The following ZMYND11 variants were observed in gnomAD, a reference collection of about 807,000 sequenced individuals.
The protein encoded by ZMYND11 is zinc finger MYND domain-containing protein 11.
ZMYND11 carries 9 observed loss-of-function variants against 84.9 expected under a neutral mutation model. The ratio of observed to expected loss-of-function variants is 0.11; its 90% CI spans 0.06 to 0.18. The LOEUF (loss-of-function observed/expected upper bound fraction) is 0.18, where lower values mean the gene tolerates loss of function less well. Ranked by LOEUF, ZMYND11 falls within the 10% of genes least tolerant of loss-of-function variation. The pLI, the probability that ZMYND11 is intolerant of heterozygous loss-of-function variation, is 1.00. For missense variants in ZMYND11, 409 were observed against 761.0 expected, an observed-to-expected ratio of 0.54 and a Z score of 5.44; for synonymous variants, 250 against 244.1, an observed-to-expected ratio of 1.02 and a Z score of -0.23.
chr10:243,980 A>G (rs558736633), intron 10 of ZMYND11, among the ~76,000 whole-genome samples: 10 of 152,306 alleles, frequency 6.6e-5, no homozygotes, highest in African/African-American at 2.4e-4. Context: ...TTTTCCGTCA[A>G]GCTTCTTAGG....
At chr10:173,254 G>A (rs1055491072) in intron 1 of ZMYND11, among the ~76,000 whole-genome samples, 3 of 152,132 alleles carry the variant, frequency 2.0e-5, no homozygotes, top group African/African-American at 7.2e-5. Flanking sequence ...GCTGGACTTC[G>A]TTAAAATTTA....
chr10:150,865 G>T (rs888325368), intron 1 of ZMYND11, among the ~76,000 whole-genome samples: 10 of 152,152 alleles, frequency 6.6e-5, no homozygotes, highest in African/African-American at 2.4e-4. Flanking sequence ...TCACATGGCT[G>T]GGTACCCCTC....
chr10:228,466 T>C (rs548671963), intron 4 of ZMYND11, among the ~76,000 whole-genome samples: 133 of 152,192 alleles, frequency 8.7e-4, no homozygotes, highest in Non-Finnish European at 1.8e-3. Flanking sequence ...ACTCAGTGTT[T>C]CCAAAGTTCA....
chr10:241,982 TTAAAAGTAA>T lies in ZMYND11; in HGVS notation c.832-36_832-28del, dbSNP rs779120058. ...TAATGGTACACTTGCATTTAATACTTTAAAAGTAATATAACAAGGTAAAACATTTAATTT... is the reference window on the plus strand; with the variant it reads ...TAATGGTACACTTGCATTTAATACTTTATAACAAGGTAAAACATTTAATTT... On this transcript the variant is annotated intron_variant, in intron 9 of 14. Transcript: ENST00000381604. The T allele has an allele frequency of 2.5e-6, 4 of 1,605,982 alleles. No individual in the cohort carries two copies. In the East Asian group the frequency reaches 8.9e-5, roughly 36 times the overall value.
chr10:184,514 AT>A (rs1361937784), intron 2 of ZMYND11, among the ~76,000 whole-genome samples: 2 of 151,668 alleles, frequency 1.3e-5, no homozygotes, highest in East Asian at 1.9e-4. Flanking sequence ...TTCTGAAGTG[AT>A]TTTTTTTCCA....
intron 7 of ZMYND11, among the ~76,000 whole-genome samples, chr10:239,737 A>G (rs998384361): frequency 6.6e-6 from 1 of 152,228 alleles, no homozygotes; most frequent in African/African-American, 2.4e-5. Flanking sequence ...TGAAAACACA[A>G]TTACTCTTTA....
intron 1 of ZMYND11, among the ~76,000 whole-genome samples, chr10:164,925 G>T (rs929975934): frequency 3.9e-5 from 6 of 152,026 alleles, no homozygotes; most frequent in African/African-American, 1.5e-4. Context: ...GGGGTAGGGG[G>T]CTTGGGACTA....
intron 1 of ZMYND11, among the ~76,000 whole-genome samples, chr10:173,035 GAA>G (rs1218973523): frequency 8.0e-6 from 1 of 125,774 alleles, no homozygotes. Flanking sequence ...TCCACTTTCA[GAA>G]AAAAAAAAAA....
chr10:197,765 T>G (rs1455881933), intron 2 of ZMYND11: 1 of 340,212 alleles, frequency 2.9e-6, no homozygotes, highest in Non-Finnish European at 5.3e-6. Flanking sequence ...TGAGAAGTCA[T>G]GGTTGAGATT....
upstream of ZMYND11, among the ~76,000 whole-genome samples, chr10:131,719 G>A (rs189063608): frequency 1.6e-3 from 247 of 151,490 alleles, 3 homozygotes; most frequent in African/African-American, 5.7e-3. Flanking sequence ...GTAGAGATGC[G>A]TCCTCGTTAT....
At chr10:130,276 T>C (rs1835286077), upstream of ZMYND11, among the ~76,000 whole-genome samples, 1 of 152,146 alleles carries the variant, frequency 6.6e-6, no homozygotes, top group South Asian at 2.1e-4. Context: ...CCAGCCTGGG[T>C]TGGGCTGCTG....
chr10:243,936 A>G (rs1951587993), intron 10 of ZMYND11, among the ~76,000 whole-genome samples: 1 of 152,234 alleles, frequency 6.6e-6, no homozygotes, highest in Non-Finnish European at 1.5e-5. Context: ...AGAGAGAATT[A>G]GGAAACATCA....
At chr10:204,165 A>T (rs1000606105) in intron 2 of ZMYND11, among the ~76,000 whole-genome samples, 1 of 152,154 alleles carries the variant, frequency 6.6e-6, no homozygotes, top group Non-Finnish European at 1.5e-5. Context: ...GATACAATCT[A>T]AGGTAGGGCT....
upstream of ZMYND11, among the ~76,000 whole-genome samples, chr10:132,256 C>T (rs1463973669): frequency 6.7e-6 from 1 of 149,974 alleles, no homozygotes; most frequent in Non-Finnish European, 1.5e-5. Context: ...CACAATAAAT[C>T]TTGCTGCTGC....
intron 3 of ZMYND11, 125 bp from the exon 4 acceptor site, chr10:221,070 C>A: frequency 1.2e-6 from 1 of 834,930 alleles, no homozygotes; most frequent in Non-Finnish European, 1.9e-6. Context: ...CTTGTTTTAA[C>A]ACAGTAAATG....
chr10:165,480 C>G (rs781975661), intron 1 of ZMYND11, among the ~76,000 whole-genome samples: 1 of 152,112 alleles, frequency 6.6e-6, no homozygotes, highest in Admixed American at 6.6e-5. Context: ...TACTTAACAT[C>G]TCCCTTAGAT....
Position 203,036 on chromosome 10 carries a change from T to G in ZMYND11, c.117-6853T>G, listed in dbSNP as rs746708262. ...ATAAAAGTTATGCATCAAAATCCTATAGCAAGCATCATATTTGCATTTATA... is the reference window on the plus strand; with the variant it reads ...ATAAAAGTTATGCATCAAAATCCTAGAGCAAGCATCATATTTGCATTTATA... On this transcript the variant is annotated intron_variant, in intron 2 of 14. Transcript: ENST00000381604. Among the ~76,000 whole-genome samples, 3 of 152,146 alleles carry G rather than the reference T, an allele frequency of 2.0e-5. No individual in the cohort carries two copies. In the East Asian group the frequency reaches 5.8e-4, roughly 29 times the overall value.
chr10:234,763 C>T (rs543318432), intron 4 of ZMYND11, among the ~76,000 whole-genome samples: 7 of 152,248 alleles, frequency 4.6e-5, no homozygotes, highest in South Asian at 2.1e-4. Context: ...AGCCTTCTTA[C>T]GTTTTCTCTT....
intron 2 of ZMYND11, among the ~76,000 whole-genome samples, chr10:189,681 G>A (rs1051206878): frequency 3.9e-5 from 6 of 152,124 alleles, no homozygotes; most frequent in Admixed American, 3.9e-4. Context: ...ACCTTGCCTT[G>A]GGTTGTTGTC....
Sources: allele counts gnomAD v4.1 joint callset (sites outside exome capture counted in the v4.1 genomes callset), GRCh38; gene constraint gnomAD v4.1.1; transcripts MANE v1.5; gene names NCBI Gene and HGNC (gene_info 2026-07-23, HGNC 2026-07-21).